Variants in BSND observed in about 807,000 individuals in gnomAD.
BSND encodes barttin.
BSND carries 13 observed loss-of-function variants against 18.8 expected under a neutral mutation model. That is an observed-to-expected ratio of 0.69 (90% confidence interval 0.45 to 1.10). The LOEUF is 1.10. Ranked by LOEUF, BSND falls within the 50% of genes least tolerant of loss-of-function variation. The pLI, the probability that BSND is intolerant of heterozygous loss-of-function variation, is 0.00. For missense variants in BSND, 379 were observed against 416.7 expected (o/e 0.91, Z 0.79); for synonymous variants, 170 against 161.8 (o/e 1.05, Z -0.39).
At position 55,008,718 on chromosome 1, in the gene BSND, G is replaced by A; in HGVS notation, c.*90G>A. 2 of 1,581,886 alleles carry A rather than the reference G, an allele frequency of 1.3e-6. No individual in the cohort carries two copies. The highest frequency in any genetic ancestry group is 1.7e-5 in the Admixed American group (1 of 59,814). ...CTCAGTTTCCCTATCTGCAAAATGG[G>A]ATGATATGGAGGTTCAATGAGATGG... On this transcript the variant is annotated 3_prime_UTR_variant, in exon 4 of 4. Coordinates refer to ENST00000651561, the MANE Select transcript of BSND (RefSeq NM_057176.3).
rs1387382449 is a variant in BSND, at chr1:55,011,469, G to A, written c.*2841G>A. On this transcript the variant is annotated 3_prime_UTR_variant, in exon 4 of 4. Transcript: ENST00000651561. The stretch of plus-strand genomic sequence containing the variant: ...TATCTTGGAATCTTGGAAGTGATGG[G>A]GGTGTTTGATGGGACCTATCTTGTC... 3.3e-5 allele frequency: 5 copies of A among 152,190 alleles called. No individual in the cohort carries two copies. The highest frequency in any genetic ancestry group is 1.2e-4 in the African/African-American group (5 of 41,426). 9.4% of individuals were successfully genotyped at this position (152,190 alleles called of 1,614,324 possible).
chr1:55,014,120 G>A lies in BSND; in HGVS notation c.*5492G>A, dbSNP rs1363859787. ...CACATGGACTGGGAGGTCCTTCAAG[G>A]ACAGGGGCCTCTTCCCCGCCAATAC... On this transcript the variant is annotated 3_prime_UTR_variant, in exon 4 of 4. Transcript: ENST00000651561. Among the ~76,000 whole-genome samples, 2 of 152,206 alleles carry A rather than the reference G, an allele frequency of 1.3e-5. No homozygotes were observed. The highest frequency in any genetic ancestry group is 2.9e-5 in the Non-Finnish European group (2 of 68,044).
intron 2 of BSND, among the ~76,000 whole-genome samples, chr1:55,005,330 G>A (rs910858548): frequency 6.6e-6 from 1 of 152,216 alleles, no homozygotes; most frequent in African/African-American, 2.4e-5. Flanking sequence ...CAGGGACTTT[G>A]TCTTGTCAGG....
chr1:55,008,218 C>G lies in BSND; in HGVS notation c.553C>G (p.Leu185Val). 1 of 1,614,086 alleles carries G rather than the reference C, an allele frequency of 6.2e-7. No individual in the cohort carries two copies. Among genetic ancestry groups the G allele is most frequent in the Non-Finnish European group, 8.5e-7 (1 of 1,179,976 alleles). Residue 185 changes from leucine to valine, a missense_variant, in exon 4 of 4, where the codon CTG becomes GTG. Physicochemically the swap from Leu to Val is conservative, Grantham distance 32. Transcript: ENST00000651561. ...RRLTQSWPGP[L>V]ACPQGPAPLA... is the part of the protein sequence containing the mutation. The stretch of plus-strand genomic sequence containing the variant: ...TTGTGGTCTTTGTCCCTGCAGCCCC[C>G]TGGCCTGTCCCCAGGGCCCTGCCCC...
rs1471380177 is a variant in BSND, at chr1:55,013,945, T to G, written c.*5317T>G. 6.6e-6 allele frequency among the ~76,000 whole-genome samples: 1 copy of G among 152,152 alleles called. No individual in the cohort carries two copies. Among genetic ancestry groups the G allele is most frequent in the Non-Finnish European group, 1.5e-5 (1 of 68,026 alleles). ...TCTCTGTCATCCCTCAAACCCTACC[T>G]GTTCCCTGGAGCCTGAATTAGCCCT... On this transcript the variant is annotated 3_prime_UTR_variant, in exon 4 of 4. Coordinates refer to ENST00000651561, the MANE Select transcript of BSND (RefSeq NM_057176.3).
At chr1:55,002,375 C>T (rs1434091329) in intron 1 of BSND, among the ~76,000 whole-genome samples, 1 of 152,184 alleles carries the variant, frequency 6.6e-6, no homozygotes, top group Non-Finnish European at 1.5e-5. Context: ...GAGCTGTGAG[C>T]AGGGAAAGGA....
rs763620250 is a variant in BSND at position 54,999,261 on chromosome 1, C to G, written c.75C>G (p.Leu25=). The part of the protein sequence containing the change: ...GLFLLALGTF[L]MSHDRPQVYG... The stretch of plus-strand genomic sequence containing the variant: ...TCCTGCTGGCCCTCGGTACGTTCCT[C>G]ATGAGCCATGATCGGCCCCAGGTCT... The change falls in exon 1 of 4, where the codon CTC becomes CTG. Residue 25 remains leucine (L), a synonymous_variant. Transcript: ENST00000651561. 6.2e-7 allele frequency: 1 copy of G among 1,614,146 alleles called. No homozygotes were observed. The highest frequency in any genetic ancestry group is 2.2e-5 in the East Asian group (1 of 44,860).
Position 55,008,803 on chromosome 1 carries a change from C to G in BSND, c.*175C>G, listed in dbSNP as rs4339899. The G allele has an allele frequency of 0.42, 395,952 of 948,138 alleles. 86,142 individuals are homozygous for G. The highest frequency in any genetic ancestry group is 0.59 in the African/African-American group (35,700 of 60,562). 58.7% of individuals were successfully genotyped at this position (948,138 alleles called of 1,614,324 possible). ...AGGGGATGATGACTATTAGTGGACT[C>G]TTGTTTTTCCAATAGTTAGTGGTCT... On this transcript the variant is annotated 3_prime_UTR_variant, in exon 4 of 4. Coordinates refer to ENST00000651561, the MANE Select transcript of BSND (RefSeq NM_057176.3).
chr1:55,007,420 G>T, intron 3 of BSND, 148 bp downstream of exon 3: 1 of 1,096,270 alleles, frequency 9.1e-7, no homozygotes, highest in Admixed American at 2.9e-5. Flanking sequence ...TGTGGCAGAT[G>T]TGGCAGACAA....
Position 55,015,280 on chromosome 1 carries a change from G to A in BSND, c.*6652G>A, listed in dbSNP as rs910264653. 6.6e-6 allele frequency among the ~76,000 whole-genome samples: 1 copy of A among 152,252 alleles called. No homozygotes were observed. Among genetic ancestry groups the A allele is most frequent in the African/African-American group, 2.4e-5 (1 of 41,464 alleles). On this transcript the variant is annotated 3_prime_UTR_variant, in exon 4 of 4. Coordinates refer to ENST00000651561, the MANE Select transcript of BSND (RefSeq NM_057176.3). ...GGGTGGATGCCAGGTCAGGACTGAA[G>A]CTTGCAGAGCCGGTGTCCTGGATTC...
At position 55,009,129 on chromosome 1, in the gene BSND, A is replaced by G; in HGVS notation, c.*501A>G. On this transcript the variant is annotated 3_prime_UTR_variant, in exon 4 of 4. Coordinates refer to ENST00000651561, the MANE Select transcript of BSND (RefSeq NM_057176.3). Reference sequence around the variant, plus strand: ...CAGGACCCAAAACCTTCTGTGACTGACCCCTGCTGACCTCATTCTCTCTGC... The same window carrying G: ...CAGGACCCAAAACCTTCTGTGACTGGCCCCTGCTGACCTCATTCTCTCTGC... The G allele has an allele frequency of 5.5e-6, 1 of 181,330 alleles. No homozygotes were observed. The highest frequency in any genetic ancestry group is 1.2e-5 in the Non-Finnish European group (1 of 85,792). The allele number at this position is 181,330 out of a possible 1,614,324, so 11.2% of individuals were successfully genotyped here. A position where few individuals can be genotyped will look rare whatever the true frequency, so the allele number is the denominator to read the frequency against.
At chr1:55,003,481 C>T (rs75780807) in intron 1 of BSND, among the ~76,000 whole-genome samples, 6,291 of 152,186 alleles carry the variant, frequency 0.041, 403 homozygotes, top group African/African-American at 0.14. Flanking sequence ...CTAGAGAAAG[C>T]GCACTCCTCA....
rs946941500 is a variant in BSND, at chr1:55,013,404, C to T, written c.*4776C>T. Among the ~76,000 whole-genome samples the T allele has an allele frequency of 4.6e-5, 7 of 152,142 alleles. No homozygotes were observed. Among genetic ancestry groups the T allele is most frequent in the Non-Finnish European group, 8.8e-5 (6 of 68,026 alleles). On this transcript the variant is annotated 3_prime_UTR_variant, in exon 4 of 4. Transcript: ENST00000651561. Reference sequence around the variant, plus strand: ...TCTTGTACCCCTGACCTCAGATGATCTACCCGCCTCAGCCTCCCAAAGTGC... The same window carrying T: ...TCTTGTACCCCTGACCTCAGATGATTTACCCGCCTCAGCCTCCCAAAGTGC...
chr1:55,000,035 C>T (rs1024751976), intron 1 of BSND, among the ~76,000 whole-genome samples: 3 of 152,156 alleles, frequency 2.0e-5, no homozygotes, highest in Admixed American at 6.5e-5. Flanking sequence ...AGTCCTGTTC[C>T]AAACTCTCTA....
At chr1:55,003,037 T>TAGTGATGATGATGGTGATTAGGA in intron 1 of BSND, among the ~76,000 whole-genome samples, 1 of 152,202 alleles carries the variant, frequency 6.6e-6, no homozygotes, top group Non-Finnish European at 1.5e-5. Context: ...ATGATGATGA[T>TAGTGATGATGATGGTGATTAGGA]GATAGTGATG....
Position 55,008,355 on chromosome 1 carries a change from C to T in BSND, c.690C>T (p.Gly230=). 6.2e-7 allele frequency: 1 copy of T among 1,614,236 alleles called. No individual in the cohort carries two copies. Among genetic ancestry groups the T allele is most frequent in the Non-Finnish European group, 8.5e-7 (1 of 1,180,048 alleles). ...EACSPQQEPQ[G]CRCPLDRFQD... ...GTTCCCCACAACAGGAACCTCAGGG[C>T]TGCAGGTGCCCGCTGGACCGCTTCC... The change falls in exon 4 of 4, where the codon GGC becomes GGT. Residue 230 remains glycine (G), a synonymous_variant. Transcript: ENST00000651561.
rs1245227766 is a variant in BSND, at chr1:55,014,158, G to A, written c.*5530G>A. Reference sequence around the variant, plus strand: ...TCCCCGCCAATACTTCTATCCCCAGGACTTAGCAAAAGCAAGGAACAGTAG... The same window carrying A: ...TCCCCGCCAATACTTCTATCCCCAGAACTTAGCAAAAGCAAGGAACAGTAG... On this transcript the variant is annotated 3_prime_UTR_variant, in exon 4 of 4. Coordinates refer to ENST00000651561, the MANE Select transcript of BSND (RefSeq NM_057176.3). Among the ~76,000 whole-genome samples, 2 of 152,216 alleles carry A rather than the reference G, an allele frequency of 1.3e-5. No homozygotes were observed. The highest frequency in any genetic ancestry group is 4.8e-5 in the African/African-American group (2 of 41,458).
intron 1 of BSND, among the ~76,000 whole-genome samples, chr1:54,999,926 C>A (rs1644353334): frequency 6.6e-6 from 1 of 152,172 alleles, no homozygotes; most frequent in African/African-American, 2.4e-5. Flanking sequence ...TGGTGGCATG[C>A]ACTGGGCAGT....
Position 55,005,070 on chromosome 1 carries a change from A to G in BSND, c.226A>G (p.Lys76Glu). The G allele has an allele frequency of 6.2e-7, 1 of 1,614,042 alleles. No homozygotes were observed. Among genetic ancestry groups the G allele is most frequent in the Non-Finnish European group, 8.5e-7 (1 of 1,179,976 alleles). ...DSDFQGILSP[K>E]AMGLLENGLA... ...TGACTTTCAAGGCATCCTCTCCCCA[A>G]AGGCCATGGGCCTGCTGGAGAATGG... Residue 76 changes from lysine to glutamate, a missense_variant, in exon 2 of 4, where the codon AAG (lysine) becomes GAG (glutamate). Physicochemically the swap from Lys to Glu is moderately conservative, Grantham distance 56. Transcript: ENST00000651561.
Sources: allele counts gnomAD v4.1 joint callset (sites outside exome capture counted in the v4.1 genomes callset), GRCh38; gene constraint gnomAD v4.1.1; transcripts MANE v1.5; gene names NCBI Gene and HGNC (gene_info 2026-07-23, HGNC 2026-07-21).